The following HDAC8 variants were observed in gnomAD, a reference collection of about 807,000 sequenced individuals.
HDAC8 encodes the protein histone deacetylase 8, also known as histone deacetylase-like 1.
In HDAC8, 1 loss-of-function variant was observed where a neutral mutation model predicts 32.2. The ratio of observed to expected loss-of-function variants is 0.03; its 90% CI spans 0.01 to 0.15. The LOEUF is 0.15. HDAC8 is among the 10% of genes least tolerant of loss of function. The probability of loss-of-function intolerance (pLI) is 1.00; values close to 1 mark genes in which losing one functional copy is unlikely to be tolerated. For synonymous variants in HDAC8, 108 were observed against 113.9 expected (o/e 0.95, Z 0.33); for missense variants, 117 against 300.0 (o/e 0.39, Z 4.51).
chrX:72,420,640 T>C (rs1384817581), intron 9 of HDAC8, among the ~76,000 whole-genome samples: 1 of 112,032 alleles, frequency 8.9e-6, no homozygotes, highest in Non-Finnish European at 1.9e-5. Flanking sequence ...TTGCTTCATA[T>C]ATTTTAAGGC....
intron 7 of HDAC8, chrX:72,467,935 G>A (rs2048065225): frequency 8.5e-7 from 1 of 1,171,898 alleles, no homozygotes; most frequent in Admixed American, 2.6e-5. Context: ...AAGGCAGGCA[G>A]GTGTTTCTGG....
At chrX:72,337,445 A>G (rs1363459502) in intron 10 of HDAC8, among the ~76,000 whole-genome samples, 1 of 111,099 alleles carries the variant, frequency 9.0e-6, no homozygotes, top group Non-Finnish European at 1.9e-5. Context: ...TTTTTCCTTC[A>G]TGACGTTGAC....
At chrX:72,439,751 A>AT (rs1555980889) in intron 9 of HDAC8, among the ~76,000 whole-genome samples, 1 of 111,137 alleles carries the variant, frequency 9.0e-6, no homozygotes, top group East Asian at 2.8e-4. Flanking sequence ...TGGTAAAGGG[A>AT]TCAATGCAAA....
rs372843162 is a variant in HDAC8 at position 72,347,747 on chromosome X, G to A, written c.1111+3986C>T. Among the ~76,000 whole-genome samples the A allele has an allele frequency of 1.1e-4, 12 of 112,341 alleles. 1 individual carries two copies. The East Asian group carries it at 2.8e-3, about 26-fold the overall frequency. ...TCTGGAGTACATTCACCAGAGGAAA[G>A]GCAACCAGCTTTAAGCAAATGAACA... On this transcript the variant is annotated intron_variant, in intron 10 of 10. Coordinates refer to ENST00000373573, the MANE Select transcript of HDAC8 (RefSeq NM_018486.3).
chrX:72,335,983 A>T, intron 10 of HDAC8, among the ~76,000 whole-genome samples: 1 of 110,929 alleles, frequency 9.0e-6, no homozygotes. Context: ...AAGACCCCCA[A>T]ACATTCATGT....
intron 4 of HDAC8, among the ~76,000 whole-genome samples, chrX:72,560,801 C>A (rs1467252455): frequency 9.2e-6 from 1 of 108,680 alleles, no homozygotes; most frequent in Non-Finnish European, 1.9e-5. Context: ...TCTATTGGGA[C>A]AACCATATGG....
intron 9 of HDAC8, 88 bp from the exon 10 acceptor site, chrX:72,351,926 T>C (rs370568736): frequency 1.1e-5 from 7 of 651,419 alleles, no homozygotes; most frequent in East Asian, 7.1e-5. Context: ...AAGAAACTCA[T>C]ACTACCAACA....
chrX:72,430,216 C>T (rs782194152), intron 9 of HDAC8, among the ~76,000 whole-genome samples: 1 of 111,618 alleles, frequency 9.0e-6, no homozygotes, highest in Non-Finnish European at 1.9e-5. Flanking sequence ...GCGTAGGCTC[C>T]GGATTTTACC....
chrX:72,547,001 C>G (rs190918061), intron 4 of HDAC8, among the ~76,000 whole-genome samples: 11 of 111,118 alleles, frequency 9.9e-5, no homozygotes, highest in Non-Finnish European at 1.9e-4. Context: ...AACAAACCAC[C>G]CCTCAACCCT....
At chrX:72,481,749 G>A (rs1344068262) in intron 7 of HDAC8, among the ~76,000 whole-genome samples, 1 of 108,695 alleles carries the variant, frequency 9.2e-6, no homozygotes, top group East Asian at 3.0e-4. Context: ...GATTATAGGT[G>A]CGCACCTATA....
At chrX:72,461,245 C>T (rs2047859689) in intron 9 of HDAC8, among the ~76,000 whole-genome samples, 2 of 111,480 alleles carry the variant, frequency 1.8e-5, no homozygotes. Context: ...AGTTATACAT[C>T]TTGATCTATA....
intron 4 of HDAC8, among the ~76,000 whole-genome samples, chrX:72,536,638 G>C (rs1221382226): frequency 1.8e-5 from 2 of 111,736 alleles, no homozygotes; most frequent in Non-Finnish European, 3.8e-5. Context: ...TCCACATAAT[G>C]GGTTTTCTTT....
intron 9 of HDAC8, among the ~76,000 whole-genome samples, chrX:72,434,729 C>T (rs2046905541): frequency 1.8e-5 from 2 of 111,750 alleles, no homozygotes; most frequent in South Asian, 7.5e-4. Flanking sequence ...TATTTATTAA[C>T]AATTAACAAT....
chrX:72,567,609 A>G (rs1188821677), intron 4 of HDAC8: 2 of 564,930 alleles, frequency 3.5e-6, no homozygotes, highest in Non-Finnish European at 5.7e-6. Flanking sequence ...CATTTTATTG[A>G]TGAAGAAACT....
At chrX:72,409,727 G>T (rs782298307) in intron 9 of HDAC8, among the ~76,000 whole-genome samples, 2 of 112,254 alleles carry the variant, frequency 1.8e-5, no homozygotes, top group African/African-American at 6.5e-5. Flanking sequence ...AATAGGATTT[G>T]TGGCTACTTT....
chrX:72,553,620 C>T (rs2051166108), intron 4 of HDAC8, among the ~76,000 whole-genome samples: 1 of 111,699 alleles, frequency 9.0e-6, no homozygotes, highest in Admixed American at 9.5e-5. Context: ...TATACAATCC[C>T]TTGATATCTG....
intron 9 of HDAC8, among the ~76,000 whole-genome samples, chrX:72,452,690 C>G (rs781896149): frequency 8.9e-6 from 1 of 111,831 alleles, no homozygotes; most frequent in South Asian, 3.7e-4. Flanking sequence ...TCCACAATAA[C>G]TTAATTATCA....
chrX:72,449,795 G>T (rs1446093672), intron 9 of HDAC8, among the ~76,000 whole-genome samples: 3 of 111,323 alleles, frequency 2.7e-5, no homozygotes, highest in Non-Finnish European at 5.7e-5. Flanking sequence ...TAAAGGGATG[G>T]AAAAGATAAG....
intron 4 of HDAC8, among the ~76,000 whole-genome samples, chrX:72,505,553 C>T (rs2049365259): frequency 9.0e-6 from 1 of 111,514 alleles, no homozygotes; most frequent in Non-Finnish European, 1.9e-5. Context: ...CGCAGTGGCT[C>T]ATGCTGTAAT....
Sources: gnomAD v4.1 joint callset for allele counts (sites outside exome capture counted in the v4.1 genomes callset) on GRCh38, gnomAD v4.1.1 for gene constraint, MANE v1.5 for transcripts, NCBI Gene and HGNC (gene_info 2026-07-23, HGNC 2026-07-21) for gene names.